Variants in COL6A6 observed in about 807,000 individuals in gnomAD.
The protein encoded by COL6A6 is collagen alpha-6(VI) chain.
Under a neutral mutation model 208.6 loss-of-function variants are expected in COL6A6, and 183 were observed. That is an observed-to-expected ratio of 0.88 (90% CI 0.78 to 0.99). The LOEUF (loss-of-function observed/expected upper bound fraction) is 0.99, where lower values mean the gene tolerates loss of function less well. COL6A6 is among the 50% of genes least tolerant of loss of function. The probability of loss-of-function intolerance (pLI) is 0.00; values close to 1 mark genes in which losing one functional copy is unlikely to be tolerated. For missense variants in COL6A6, 2,816 were observed against 2,815.2 expected, an observed-to-expected ratio of 1.00 and a Z score of -0.01; for synonymous variants, 973 against 1,011.8, an observed-to-expected ratio of 0.96 and a Z score of 0.73.
At chr3:130,531,703 G>T (rs1466464830) in intron 1 of COL6A6, among the ~76,000 whole-genome samples, 1 of 152,170 alleles carries the variant, frequency 6.6e-6, no homozygotes, top group African/African-American at 2.4e-5. Flanking sequence ...GAAACCCCTT[G>T]AAGGCAGGGG....
chr3:130,562,140 A>AT (rs1370500229), intron 2 of COL6A6, among the ~76,000 whole-genome samples: 1 of 152,190 alleles, frequency 6.6e-6, no homozygotes, highest in African/African-American at 2.4e-5. Flanking sequence ...TCTTATGCTA[A>AT]GGTAGAGAGA....
At position 130,661,845 on chromosome 3, in the gene COL6A6, G is replaced by A. The variant is rs1257900502; in HGVS notation, c.6039G>A (p.Leu2013=). ...TSVTGDRVAL[L]SHAPPDFLPN... ...TCACTGGAGACCGGGTGGCCCTATT[G>A]AGCCATGCTCCCCCCGACTTCCTAC... The change falls in exon 35 of 37, where the codon TTG becomes TTA. Residue 2013 remains leucine, a synonymous_variant. Transcript: ENST00000358511. 5.6e-6 allele frequency: 9 copies of A among 1,613,790 alleles called. No homozygotes were observed. The highest frequency in any genetic ancestry group is 7.6e-6 in the Non-Finnish European group (9 of 1,179,880).
intron 21 of COL6A6, 21 bp downstream of exon 21, chr3:130,606,987 A>G (rs372978392): frequency 3.8e-6 from 6 of 1,583,344 alleles, no homozygotes; most frequent in African/African-American, 1.3e-5. Context: ...TTTTCCCCTT[A>G]ACTCCAAATA....
At chr3:130,560,062 G>T (rs1400242810) in intron 1 of COL6A6, among the ~76,000 whole-genome samples, 1 of 152,162 alleles carries the variant, frequency 6.6e-6, no homozygotes, top group Non-Finnish European at 1.5e-5. Context: ...GCGTAATATT[G>T]TTAGCACTAA....
intron 23 of COL6A6, among the ~76,000 whole-genome samples, chr3:130,616,636 T>C (rs1022416643): frequency 6.6e-6 from 1 of 151,954 alleles, no homozygotes; most frequent in African/African-American, 2.4e-5. Context: ...TAAATACTTA[T>C]GCTTTCTTAG....
chr3:130,662,191 C>T lies in COL6A6; in HGVS notation c.6385C>T (p.Leu2129=). ...SLGPIWDDKE[L]EDLASHPLDH... ...TGGCCCTATTTGGGATGACAAGGAA[C>T]TGGAGGATCTCGCCAGCCACCCTTT... Residue 2129 remains leucine, a synonymous_variant, in exon 35 of 37, where the codon CTG becomes TTG. Coordinates refer to ENST00000358511, the MANE Select transcript of COL6A6 (RefSeq NM_001102608.3). The T allele has an allele frequency of 6.2e-7, 1 of 1,613,988 alleles. No individual in the cohort carries two copies. The highest frequency in any genetic ancestry group is 8.5e-7 in the Non-Finnish European group (1 of 1,179,874).
intron 20 of COL6A6, among the ~76,000 whole-genome samples, chr3:130,600,563 C>T (rs1024892711): frequency 2.0e-5 from 3 of 152,100 alleles, no homozygotes; most frequent in African/African-American, 4.8e-5. Flanking sequence ...ATGTCCTTTG[C>T]AGGGATATGG....
rs2066335834 is a variant in COL6A6, at chr3:130,675,442, T to C, written c.*45T>C. The C allele has an allele frequency of 7.2e-6, 10 of 1,384,726 alleles. No homozygotes were observed. Among genetic ancestry groups the C allele is most frequent in the Non-Finnish European group, 5.8e-6 (6 of 1,029,398 alleles). The allele number at this position is 1,384,726 out of a possible 1,614,324, so 85.8% of individuals were successfully genotyped here. Reference sequence around the variant, plus strand: ...AGCCTTAGGAAGCATGGTAAGACTCTGGACTTAAATAGTAACTAAATCTGC... The same window carrying C: ...AGCCTTAGGAAGCATGGTAAGACTCCGGACTTAAATAGTAACTAAATCTGC... On this transcript the variant is annotated 3_prime_UTR_variant, in exon 37 of 37. Transcript: ENST00000358511.
intron 23 of COL6A6, among the ~76,000 whole-genome samples, chr3:130,611,049 G>A (rs1905684): frequency 0.043 from 6,606 of 152,160 alleles, 440 homozygotes; most frequent in African/African-American, 0.14. Flanking sequence ...CCTCAAACTG[G>A]CTAAATATGA....
intron 1 of COL6A6, among the ~76,000 whole-genome samples, chr3:130,531,003 AC>A (rs2062068413): frequency 1.8e-5 from 2 of 112,728 alleles, no homozygotes; most frequent in African/African-American, 6.9e-5. Flanking sequence ...TCTCCTCTCC[AC>A]CCCCCTCCTC....
intron 1 of COL6A6, among the ~76,000 whole-genome samples, chr3:130,526,885 TAATA>T (rs1480886206): frequency 1.3e-5 from 2 of 152,216 alleles, no homozygotes; most frequent in Non-Finnish European, 2.9e-5. Context: ...GATAGATGCT[TAATA>T]AATATTACTT....
Position 130,563,574 on chromosome 3 carries a change from G to C in COL6A6, c.571G>C (p.Asp191His). ...QFHFNLRTVR[D>H]LSMFSQNMTH... Reference sequence around the variant, plus strand: ...TCATTTCAACCTTCGGACAGTCAGAGACCTCAGCATGTTTTCCCAAAACAT... The same window carrying C: ...TCATTTCAACCTTCGGACAGTCAGACACCTCAGCATGTTTTCCCAAAACAT... Residue 191 changes from aspartate (D) to histidine (H), a missense_variant, in exon 3 of 37, where the codon GAC becomes CAC. Coordinates refer to ENST00000358511, the MANE Select transcript of COL6A6 (RefSeq NM_001102608.3). 1 of 1,613,962 alleles carries C rather than the reference G, an allele frequency of 6.2e-7. No homozygotes were observed. Among genetic ancestry groups the C allele is most frequent in the Non-Finnish European group, 8.5e-7 (1 of 1,179,882 alleles).
chr3:130,558,804 C>G (rs1296015870), intron 1 of COL6A6, among the ~76,000 whole-genome samples: 1 of 152,040 alleles, frequency 6.6e-6, no homozygotes, highest in African/African-American at 2.4e-5. Context: ...AAAACAAGTA[C>G]CAAAGTCTCT....
chr3:130,644,929 C>T lies in COL6A6; in HGVS notation c.5228-62C>T, dbSNP rs528194513. 2.7e-4 allele frequency: 400 copies of T among 1,499,038 alleles called. 10 individuals carry two copies. The South Asian group carries it at 4.3e-3, about 16-fold the overall frequency. The allele number at this position is 1,499,038 out of a possible 1,614,324, so 92.9% of individuals were successfully genotyped here. A position where few individuals can be genotyped will look rare whatever the true frequency, so the allele number is the denominator to read the frequency against. On this transcript the variant is annotated intron_variant, in intron 31 of 36. Transcript: ENST00000358511. ...CAGGATAGAACCTTTCTTTCCTGCA[C>T]GATACAGAACTCTCTTCTCCTACCA...
Position 130,591,326 on chromosome 3 carries a change from G to A in COL6A6, c.4272+232G>A, listed in dbSNP as rs536867336. Among the ~76,000 whole-genome samples the A allele has an allele frequency of 5.3e-5, 8 of 152,156 alleles. No individual in the cohort carries two copies. In the South Asian group the frequency reaches 1.5e-3, roughly 28 times the overall value. ...CAACATTGCACAATGAATTCAATGCGGAAGTAACCTCCTTCACTAGGGGAG... is the reference window on the plus strand; with the variant it reads ...CAACATTGCACAATGAATTCAATGCAGAAGTAACCTCCTTCACTAGGGGAG... On this transcript the variant is annotated intron_variant, in intron 13 of 36. Coordinates refer to ENST00000358511, the MANE Select transcript of COL6A6 (RefSeq NM_001102608.3).
chr3:130,609,946 A>G (rs939008788), intron 22 of COL6A6, among the ~76,000 whole-genome samples: 1 of 144,356 alleles, frequency 6.9e-6, no homozygotes, highest in African/African-American at 2.6e-5. Context: ...AGCTGAGGAA[A>G]GCTCACTTTT....
chr3:130,554,120 G>A (rs1051455822), intron 1 of COL6A6, among the ~76,000 whole-genome samples: 28 of 152,190 alleles, frequency 1.8e-4, no homozygotes, highest in Admixed American at 1.4e-3. Flanking sequence ...CACACTAGTG[G>A]GTAGTGCTAG....
chr3:130,597,042 A>C (rs2063871553), intron 18 of COL6A6, among the ~76,000 whole-genome samples: 1 of 152,210 alleles, frequency 6.6e-6, no homozygotes, highest in African/African-American at 2.4e-5. Context: ...TCTGTTCTGT[A>C]AAATGTGCTG....
In COL6A6 at chr3:130,658,530, T is replaced by G. The variant is rs1344566136; in HGVS notation, c.5734-146T>G. On this transcript the variant is annotated intron_variant, in intron 33 of 36. Transcript: ENST00000358511. ...CAAGGTTTAAACCCAGACAGAGCTCTTAGCCATGCTTACATGCTGTGCCTC... is the reference window on the plus strand; with the variant it reads ...CAAGGTTTAAACCCAGACAGAGCTCGTAGCCATGCTTACATGCTGTGCCTC... 6.6e-6 allele frequency: 4 copies of G among 608,762 alleles called. No homozygotes were observed. The African/African-American group carries it at 7.4e-5, about 11-fold the overall frequency. 37.7% of individuals were successfully genotyped at this position (608,762 alleles called of 1,614,324 possible).
Sources: gnomAD v4.1 joint callset for allele counts (sites outside exome capture counted in the v4.1 genomes callset) on GRCh38, gnomAD v4.1.1 for gene constraint, MANE v1.5 for transcripts, NCBI Gene and HGNC (gene_info 2026-07-23, HGNC 2026-07-21) for gene names.